The following RFC3 variants were observed in gnomAD, a reference collection of about 807,000 sequenced individuals.
RFC3 encodes A1 38 kDa subunit.
A neutral mutation model predicts 45.1 loss-of-function variants in RFC3; 41 were observed. The ratio of observed to expected loss-of-function variants is 0.91; its 90% confidence interval spans 0.71 to 1.18. The LOEUF is 1.18. Ranked by LOEUF, RFC3 falls within the 50% of genes most tolerant of loss-of-function variation. RFC3 has a pLI of 0.00. For synonymous variants in RFC3, 149 were observed against 144.0 expected, an observed-to-expected ratio of 1.03 and a Z score of -0.25; for missense variants, 423 against 428.1, an observed-to-expected ratio of 0.99 and a Z score of 0.10.
intron 6 of RFC3, 98 bp downstream of exon 6, chr13:33,830,953 CA>C: frequency 2.1e-6 from 2 of 952,728 alleles, no homozygotes; most frequent in Non-Finnish European, 3.1e-6. Context: ...ATGGACTGGG[CA>C]GGGGTGGGGG....
Position 33,954,353 on chromosome 13 carries a change from T to C in RFC3, c.880-11734T>C, listed in dbSNP as rs145893677. 7.1e-3 allele frequency among the ~76,000 whole-genome samples: 1,074 copies of C among 152,276 alleles called. 5 individuals are homozygous for C. The highest frequency in any genetic ancestry group is 0.01 in the Non-Finnish European group (712 of 68,014). Reference sequence around the variant, plus strand: ...TCATTTTGAGAACATAGAAGACCCCTGAGTGATGGTCATTTCATCAAATGT... The same window carrying C: ...TCATTTTGAGAACATAGAAGACCCCCGAGTGATGGTCATTTCATCAAATGT... On this transcript the variant is annotated intron_variant, in intron 8 of 8. Transcript: ENST00000434425.
At chr13:33,892,058 A>C (rs1353178445) in intron 8 of RFC3, among the ~76,000 whole-genome samples, 1 of 152,224 alleles carries the variant, frequency 6.6e-6, no homozygotes, top group Non-Finnish European at 1.5e-5. Flanking sequence ...CAATTTGGTC[A>C]GATAACTATC....
chr13:33,896,076 A>T (rs1280539154), intron 8 of RFC3, among the ~76,000 whole-genome samples: 1 of 151,992 alleles, frequency 6.6e-6, no homozygotes, highest in African/African-American at 2.4e-5. Flanking sequence ...CTCAGGTGAC[A>T]GGTTCACTTT....
At chr13:33,849,267 A>C (rs905573636) in intron 8 of RFC3, 1 of 152,422 alleles carries the variant, frequency 6.6e-6, no homozygotes, top group African/African-American at 2.4e-5. Context: ...CAAATGGGAA[A>C]GTGGCAAAAG....
chr13:33,856,194 A>G (rs888811391), intron 8 of RFC3, among the ~76,000 whole-genome samples: 11 of 152,206 alleles, frequency 7.2e-5, no homozygotes, highest in African/African-American at 1.4e-4. Flanking sequence ...AGCAACACAG[A>G]TGGAGCAGGA....
intron 8 of RFC3, among the ~76,000 whole-genome samples, chr13:33,845,559 C>T (rs1203283450): frequency 6.6e-6 from 1 of 152,102 alleles, no homozygotes; most frequent in Non-Finnish European, 1.5e-5. Context: ...TATTAAAGGG[C>T]TCTGATGCAT....
rs780829306 is a variant in RFC3 at position 33,825,902 on chromosome 13, ACTT to A, written c.391+20_391+22del. ...GATTTTAAAGGTAGGTGATCAAAAGACTTCTTTTTATGAAGCTGCCAAGCATTA... is the reference window on the plus strand; with the variant it reads ...GATTTTAAAGGTAGGTGATCAAAAGACTTTTTATGAAGCTGCCAAGCATTA... On this transcript the variant is annotated intron_variant, in intron 4 of 8. Transcript: ENST00000380071. 1 of 1,527,432 alleles carries A rather than the reference ACTT, an allele frequency of 6.5e-7. No homozygotes were observed. The highest frequency in any genetic ancestry group is 9.0e-7 in the Non-Finnish European group (1 of 1,112,606). 94.6% of individuals were successfully genotyped at this position (1,527,432 alleles called of 1,614,324 possible). A position where few individuals can be genotyped will look rare whatever the true frequency, so the allele number is the denominator to read the frequency against.
chr13:33,854,369 G>T (rs936593560), intron 8 of RFC3, among the ~76,000 whole-genome samples: 1 of 152,164 alleles, frequency 6.6e-6, no homozygotes, highest in African/African-American at 2.4e-5. Context: ...AGAAGAAAAA[G>T]GACTGGTTTA....
chr13:33,842,009 G>A (rs201203561), downstream of RFC3, among the ~76,000 whole-genome samples: 5 of 152,074 alleles, frequency 3.3e-5, no homozygotes, highest in East Asian at 7.7e-4. Context: ...GTGGCCAGGT[G>A]CGGTGACCAT....
intron 8 of RFC3, among the ~76,000 whole-genome samples, chr13:33,875,228 A>G (rs1471329174): frequency 6.6e-6 from 1 of 152,206 alleles, no homozygotes; most frequent in Admixed American, 6.5e-5. Context: ...TTGAAGGTGG[A>G]TTTATTAGCA....
intron 8 of RFC3, among the ~76,000 whole-genome samples, chr13:33,949,284 G>T (rs1180862978): frequency 6.6e-6 from 1 of 152,096 alleles, no homozygotes; most frequent in Non-Finnish European, 1.5e-5. Context: ...AGTGCCTTTT[G>T]CCATAATTGT....
chr13:33,824,031 T>A (rs1284619130), intron 3 of RFC3, 47 bp downstream of exon 3: 2 of 957,444 alleles, frequency 2.1e-6, no homozygotes, highest in Non-Finnish European at 3.1e-6. Flanking sequence ...AGAAATTGGT[T>A]TTGGGCTTTC....
At chr13:33,861,704 T>C in intron 8 of RFC3, among the ~76,000 whole-genome samples, 1 of 150,526 alleles carries the variant, frequency 6.6e-6, no homozygotes, top group Non-Finnish European at 1.5e-5. Flanking sequence ...GCATGTACAA[T>C]CACTGCACTT....
At chr13:33,888,578 T>G (rs1211720031) in intron 8 of RFC3, among the ~76,000 whole-genome samples, 1 of 152,146 alleles carries the variant, frequency 6.6e-6, no homozygotes, top group African/African-American at 2.4e-5. Flanking sequence ...CACAAACAGT[T>G]TCTGGAATAA....
chr13:33,975,578 T>C, the RFC3 span, among the ~76,000 whole-genome samples: 1 of 152,160 alleles, frequency 6.6e-6, no homozygotes, highest in African/African-American at 2.4e-5. Context: ...GGATTGAATA[T>C]AGAATGTGGC....
chr13:33,826,998 C>T (rs1489609943), intron 4 of RFC3, among the ~76,000 whole-genome samples: 1 of 152,120 alleles, frequency 6.6e-6, no homozygotes, highest in Non-Finnish European at 1.5e-5. Context: ...TCTCAAGTTC[C>T]TATTTTATTG....
intron 4 of RFC3, among the ~76,000 whole-genome samples, chr13:33,828,642 C>T (rs1170600449): frequency 6.6e-6 from 1 of 152,180 alleles, no homozygotes; most frequent in Admixed American, 6.5e-5. Flanking sequence ...TCAAGTAATC[C>T]TCCCACTTCA....
chr13:33,834,203 A>C (rs188232983), intron 7 of RFC3, among the ~76,000 whole-genome samples: 4 of 147,772 alleles, frequency 2.7e-5, no homozygotes, highest in African/African-American at 5.0e-5. Context: ...CCAGGGCTTC[A>C]TATTCCTGAC....
intron 8 of RFC3, among the ~76,000 whole-genome samples, chr13:33,891,406 T>C (rs2082562433): frequency 6.6e-6 from 1 of 152,176 alleles, no homozygotes; most frequent in Non-Finnish European, 1.5e-5. Context: ...ACAAGTCATA[T>C]AACAAGCAGA....
Sources: allele counts gnomAD v4.1 joint callset (sites outside exome capture counted in the v4.1 genomes callset), GRCh38; gene constraint gnomAD v4.1.1; transcripts MANE v1.5; gene names NCBI Gene and HGNC (gene_info 2026-07-23, HGNC 2026-07-21).